TMEM30A: variants seen among roughly 807,000 people sequenced by gnomAD.
TMEM30A encodes the protein cell division cycle 50 P4-ATPase accessory subunit A, also known as cell cycle control protein 50A.
Under a neutral mutation model 38.2 loss-of-function variants are expected in TMEM30A, and 24 were observed. The observed-to-expected ratio is 0.63, with a 90% CI of 0.46 to 0.88. The LOEUF (loss-of-function observed/expected upper bound fraction) is 0.88. TMEM30A is among the 40% of genes least tolerant of loss of function. TMEM30A has a pLI of 0.00. For synonymous variants in TMEM30A, 145 were observed against 161.6 expected (o/e 0.90, Z 0.78); for missense variants, 370 against 458.6 (o/e 0.81, Z 1.77).
intron 2 of TMEM30A, among the ~76,000 whole-genome samples, chr6:75,267,253 A>G (rs1222797831): frequency 1.3e-5 from 2 of 152,218 alleles, no homozygotes; most frequent in Non-Finnish European, 2.9e-5. Context: ...AAGTAATGGG[A>G]GAATTATTTA....
intron 1 of TMEM30A, among the ~76,000 whole-genome samples, chr6:75,273,230 T>G (rs1772205037): frequency 6.6e-6 from 1 of 152,194 alleles, no homozygotes; most frequent in African/African-American, 2.4e-5. Flanking sequence ...TAACCGAGTG[T>G]TAAAATGTCC....
In TMEM30A at chr6:75,255,947, G is replaced by A. The variant is rs184104026; in HGVS notation, c.*155C>T. 8.9e-5 allele frequency: 49 copies of A among 547,942 alleles called. No homozygotes were observed. Among genetic ancestry groups the A allele is most frequent in the African/African-American group, 5.7e-4 (30 of 52,656 alleles). 33.9% of individuals were successfully genotyped at this position (547,942 alleles called of 1,614,324 possible). On this transcript the variant is annotated 3_prime_UTR_variant, in exon 7 of 7. Coordinates refer to ENST00000230461, the MANE Select transcript of TMEM30A (RefSeq NM_018247.4). Reference sequence around the variant, plus strand: ...CGTCATATATTTTTAGAAGTCATCCGTAGGGAAGAAGCAAACAACAAAGAC... The same window carrying A: ...CGTCATATATTTTTAGAAGTCATCCATAGGGAAGAAGCAAACAACAAAGAC...
At chr6:75,283,318 TG>T (rs1412135264) in intron 1 of TMEM30A, among the ~76,000 whole-genome samples, 1 of 151,226 alleles carries the variant, frequency 6.6e-6, no homozygotes, top group Admixed American at 6.6e-5. Flanking sequence ...TGTGTGTGTG[TG>T]TGTGTGTGTG....
chr6:75,272,371 A>G (rs1772187661), intron 1 of TMEM30A: 1 of 152,268 alleles, frequency 6.6e-6, no homozygotes, highest in South Asian at 2.1e-4. Context: ...CCTAGCTCAT[A>G]GCTTATGCCC....
intron 1 of TMEM30A, among the ~76,000 whole-genome samples, chr6:75,276,705 T>G (rs1772265748): frequency 6.6e-6 from 1 of 152,224 alleles, no homozygotes; most frequent in Non-Finnish European, 1.5e-5. Flanking sequence ...TAAACATAAG[T>G]GAAATAATAA....
At chr6:75,256,426 G>A (rs1176414153) in intron 6 of TMEM30A, 131 bp from the exon 7 acceptor site, 1 of 623,610 alleles carries the variant, frequency 1.6e-6, no homozygotes, top group Non-Finnish European at 2.5e-6. Flanking sequence ...TCACTCCTAC[G>A]TTCTAAATCA....
chr6:75,277,705 G>C (rs1268470788), intron 1 of TMEM30A, among the ~76,000 whole-genome samples: 68 of 152,154 alleles, frequency 4.5e-4, no homozygotes, highest in Non-Finnish European at 5.9e-5. Context: ...AGGAGGTCAA[G>C]AGCAGCCTGG....
intron 1 of TMEM30A, among the ~76,000 whole-genome samples, chr6:75,272,129 G>T (rs763334506): frequency 2.0e-5 from 3 of 152,194 alleles, no homozygotes; most frequent in Non-Finnish European, 2.9e-5. Context: ...GTATTTCACT[G>T]ACTACTGTTT....
chr6:75,281,679 T>C (rs1772358211), intron 1 of TMEM30A, among the ~76,000 whole-genome samples: 1 of 152,208 alleles, frequency 6.6e-6, no homozygotes, highest in Admixed American at 6.5e-5. Flanking sequence ...TTTTTGATTT[T>C]GGCACTTTAA....
chr6:75,276,911 C>T (rs113999101), intron 1 of TMEM30A, among the ~76,000 whole-genome samples: 46 of 152,234 alleles, frequency 3.0e-4, no homozygotes, highest in African/African-American at 8.7e-4. Context: ...TTCCTCAGGA[C>T]CTATGCTCTT....
chr6:75,255,827 C>A lies in TMEM30A; in HGVS notation c.*275G>T, dbSNP rs568979576. 2.1e-5 allele frequency: 6 copies of A among 286,344 alleles called. No homozygotes were observed. Among genetic ancestry groups the A allele is most frequent in the African/African-American group, 8.7e-5 (4 of 46,118 alleles). 17.7% of individuals were successfully genotyped at this position (286,344 alleles called of 1,614,324 possible). Reference sequence around the variant, plus strand: ...CAAGTCACATGAAAGAGGCTCTATGCATCATGTGGCCTGTCCGAATAAAAA... The same window carrying A: ...CAAGTCACATGAAAGAGGCTCTATGAATCATGTGGCCTGTCCGAATAAAAA... On this transcript the variant is annotated 3_prime_UTR_variant, in exon 7 of 7. Coordinates refer to ENST00000230461, the MANE Select transcript of TMEM30A (RefSeq NM_018247.4).
At chr6:75,266,970 G>A (rs1431117115) in intron 2 of TMEM30A, among the ~76,000 whole-genome samples, 1 of 152,252 alleles carries the variant, frequency 6.6e-6, no homozygotes, top group East Asian at 1.9e-4. Context: ...AAAATCTTAA[G>A]TTCAGAAAAT....
chr6:75,268,169 T>A (rs1772099699), intron 1 of TMEM30A, among the ~76,000 whole-genome samples: 1 of 152,328 alleles, frequency 6.6e-6, no homozygotes, highest in African/African-American at 2.4e-5. Flanking sequence ...TTGAAAAAAA[T>A]TAGGTTACCA....
rs1052289294 is a variant in TMEM30A, at chr6:75,254,768, G to C, written c.*1334C>G. 10 of 152,362 alleles carry C rather than the reference G, an allele frequency of 6.6e-5. No individual in the cohort carries two copies. The highest frequency in any genetic ancestry group is 4.6e-4 in the Admixed American group (7 of 15,228). The allele number at this position is 152,362 out of a possible 1,614,324, so 9.4% of individuals were successfully genotyped here. On this transcript the variant is annotated 3_prime_UTR_variant, in exon 7 of 7. Transcript: ENST00000230461. ...AAAAAAGCAATTTCAATGTAATTAA[G>C]CCACCTCTGATTAATACATATTTTC...
At position 75,284,720 on chromosome 6, in the gene TMEM30A, G is replaced by C. The variant is rs571959018; in HGVS notation, c.-82C>G. ...GCTGACCCTGACAGGAACCGCTCGA[G>C]CGCCGCTGCCGCCGCCGCCGCCGCA... is the stretch of plus-strand genomic sequence containing the variant. On this transcript the variant is annotated 5_prime_UTR_variant, in exon 1 of 7. Transcript: ENST00000230461. 1.6e-4 allele frequency: 239 copies of C among 1,453,832 alleles called. No homozygotes were observed. In the East Asian group the frequency reaches 4.6e-3, roughly 28 times the overall value. 90.1% of individuals were successfully genotyped at this position (1,453,832 alleles called of 1,614,324 possible).
At chr6:75,274,370 A>C (rs1413398468) in intron 1 of TMEM30A, among the ~76,000 whole-genome samples, 1 of 152,210 alleles carries the variant, frequency 6.6e-6, no homozygotes, top group African/African-American at 2.4e-5. Flanking sequence ...TGAATGCTAG[A>C]CAGAAACAGC....
Position 75,279,961 on chromosome 6 carries a change from ATT to A in TMEM30A, c.237+4439_237+4440del. 2.6e-5 allele frequency among the ~76,000 whole-genome samples: 4 copies of A among 152,298 alleles called. No homozygotes were observed. In the East Asian group the frequency reaches 7.7e-4, roughly 29 times the overall value. On this transcript the variant is annotated intron_variant, in intron 1 of 6. Transcript: ENST00000230461. The stretch of plus-strand genomic sequence containing the variant: ...TTAATCAAATTAAGTTAAAAATCAT[ATT>A]TTAAGTACTCCCCCTTGAACTGATT...
Position 75,265,218 on chromosome 6 carries a change from T to A in TMEM30A, c.453+13A>T. On this transcript the variant is annotated intron_variant, in intron 3 of 6. Transcript: ENST00000230461. ...TACAGATATCATATTTTCATATTTA[T>A]CATTTTACTTACAAGCAAAGCACTA... The A allele has an allele frequency of 6.8e-7, 1 of 1,463,616 alleles. No individual in the cohort carries two copies. The highest frequency in any genetic ancestry group is 9.5e-7 in the Non-Finnish European group (1 of 1,057,016). 90.7% of individuals were successfully genotyped at this position (1,463,616 alleles called of 1,614,324 possible).
chr6:75,280,147 T>C (rs1263573839), intron 1 of TMEM30A, among the ~76,000 whole-genome samples: 1 of 152,200 alleles, frequency 6.6e-6, no homozygotes, highest in South Asian at 2.1e-4. Flanking sequence ...TGGTAAATTT[T>C]ATATCTACTA....
Sources: allele counts gnomAD v4.1 joint callset (sites outside exome capture counted in the v4.1 genomes callset), GRCh38; gene constraint gnomAD v4.1.1; transcripts MANE v1.5; gene names NCBI Gene and HGNC (gene_info 2026-07-23, HGNC 2026-07-21).